RNF121: variants seen among roughly 807,000 people sequenced by gnomAD.
RNF121 encodes ring finger protein 121, also known as E3 ubiquitin ligase RNF121.
Under a neutral mutation model 46.5 loss-of-function variants are expected in RNF121, and 21 were observed. That is an observed-to-expected ratio of 0.45 (90% confidence interval 0.32 to 0.65). RNF121 has a LOEUF of 0.65. RNF121 is among the 30% of genes least tolerant of loss of function. The pLI, the probability that RNF121 is intolerant of heterozygous loss-of-function variation, is 0.04. For missense variants in RNF121, 346 were observed against 416.0 expected, an observed-to-expected ratio of 0.83 and a Z score of 1.46; for synonymous variants, 139 against 144.7, an observed-to-expected ratio of 0.96 and a Z score of 0.28.
chr11:71,987,884 G>T (rs139443701), intron 5 of RNF121, among the ~76,000 whole-genome samples: 2 of 152,178 alleles, frequency 1.3e-5, no homozygotes, highest in Non-Finnish European at 2.9e-5. Context: ...ACACAGATGG[G>T]TGTGGAAGCC....
chr11:71,989,352 G>T (rs1954825400), intron 5 of RNF121, among the ~76,000 whole-genome samples: 1 of 152,154 alleles, frequency 6.6e-6, no homozygotes, highest in Admixed American at 6.5e-5. Flanking sequence ...TAAGTGTTAG[G>T]ATTACAGGTG....
intron 5 of RNF121, among the ~76,000 whole-genome samples, chr11:71,989,300 C>T (rs1028797642): frequency 6.6e-6 from 1 of 152,118 alleles, no homozygotes; most frequent in African/African-American, 2.4e-5. Flanking sequence ...AGGCTGGTTT[C>T]GAACTCCTGA....
chr11:71,944,415 G>A (rs969966826), intron 1 of RNF121, among the ~76,000 whole-genome samples: 1 of 152,176 alleles, frequency 6.6e-6, no homozygotes, highest in Admixed American at 6.5e-5. Flanking sequence ...AATGGAGGAG[G>A]GACTAAGGGG....
chr11:71,996,482 G>C lies in RNF121; in HGVS notation c.*167G>C, dbSNP rs575930870. The C allele has an allele frequency of 4.6e-5, 32 of 689,034 alleles. No individual in the cohort carries two copies. The highest frequency in any genetic ancestry group is 4.2e-4 in the Middle Eastern group (1 of 2,392). The allele number at this position is 689,034 out of a possible 1,614,324, so 42.7% of individuals were successfully genotyped here. A position where few individuals can be genotyped will look rare whatever the true frequency, so the allele number is the denominator to read the frequency against. On this transcript the variant is annotated 3_prime_UTR_variant, in exon 9 of 9. Coordinates refer to ENST00000361756, the MANE Select transcript of RNF121 (RefSeq NM_018320.5). ...TGGGGAGGGATATGATGGAGAGCCAGCCAGTGGGGCTGTCAGCAGTGGGGG... is the reference window on the plus strand; with the variant it reads ...TGGGGAGGGATATGATGGAGAGCCACCCAGTGGGGCTGTCAGCAGTGGGGG...
intron 1 of RNF121, among the ~76,000 whole-genome samples, chr11:71,937,750 T>C (rs1953454918): frequency 6.6e-6 from 1 of 152,212 alleles, no homozygotes; most frequent in Admixed American, 6.5e-5. Flanking sequence ...GCACAAACAC[T>C]GCCAGAGAAT....
At chr11:71,976,495 G>A (rs56097487) in intron 3 of RNF121, among the ~76,000 whole-genome samples, 28,444 of 151,488 alleles carry the variant, frequency 0.19, 4,727 homozygotes, top group African/African-American at 0.44. Context: ...AGCTGGGACT[G>A]CAGGTGTGCG....
chr11:71,940,353 A>G (rs1358964680), intron 1 of RNF121, among the ~76,000 whole-genome samples: 1 of 152,212 alleles, frequency 6.6e-6, no homozygotes, highest in Non-Finnish European at 1.5e-5. Flanking sequence ...GAAAAAAACA[A>G]AGTACTGTAG....
chr11:71,960,628 C>T (rs1386828202), intron 2 of RNF121, 122 bp from the exon 3 acceptor site: 35 of 1,166,832 alleles, frequency 3.0e-5, no homozygotes, highest in Non-Finnish European at 3.8e-5. Flanking sequence ...GTGTGGTACC[C>T]TGCAGCTATG....
intron 3 of RNF121, among the ~76,000 whole-genome samples, chr11:71,980,245 C>T (rs955061348): frequency 2.6e-5 from 4 of 152,172 alleles, no homozygotes; most frequent in Non-Finnish European, 5.9e-5. Context: ...CCAGTACCCT[C>T]GGGTACACAG....
At chr11:71,939,254 C>A in intron 1 of RNF121, 1 of 193,748 alleles carries the variant, frequency 5.2e-6, no homozygotes, top group Admixed American at 5.6e-5. Context: ...GCATGTGCAG[C>A]AAAAATTCAG....
chr11:71,960,646 G>C (rs78708286), intron 2 of RNF121, 104 bp from the exon 3 acceptor site: 44,209 of 1,329,084 alleles, frequency 0.033, 799 homozygotes, highest in East Asian at 0.067. Flanking sequence ...ATGAAGCAGG[G>C]AATGTGTTCT....
chr11:71,971,692 C>A (rs1954424856), intron 3 of RNF121, among the ~76,000 whole-genome samples: 1 of 152,150 alleles, frequency 6.6e-6, no homozygotes, highest in South Asian at 2.1e-4. Flanking sequence ...TGCTCAGAGT[C>A]ATTAGTAATT....
intron 1 of RNF121, among the ~76,000 whole-genome samples, chr11:71,954,918 A>G (rs554612785): frequency 6.6e-6 from 1 of 152,314 alleles, no homozygotes; most frequent in African/African-American, 2.4e-5. Flanking sequence ...TCCCTTAATA[A>G]AGAGAATTTT....
chr11:71,989,378 G>A (rs1954825942), intron 5 of RNF121, among the ~76,000 whole-genome samples: 1 of 152,078 alleles, frequency 6.6e-6, no homozygotes, highest in African/African-American at 2.4e-5. Flanking sequence ...CACCACGCCT[G>A]GCCTCTGCAT....
intron 3 of RNF121, among the ~76,000 whole-genome samples, chr11:71,979,448 T>C (rs994370126): frequency 6.6e-6 from 1 of 152,192 alleles, no homozygotes; most frequent in Non-Finnish European, 1.5e-5. Flanking sequence ...TCACACACAG[T>C]CTTTTTCTTT....
At chr11:71,944,652 A>G (rs1404307328) in intron 1 of RNF121, among the ~76,000 whole-genome samples, 1 of 152,208 alleles carries the variant, frequency 6.6e-6, no homozygotes, top group Non-Finnish European at 1.5e-5. Flanking sequence ...GGCATTGTGT[A>G]GTCTACTAAG....
chr11:71,935,913 C>T (rs1182059132), intron 1 of RNF121, among the ~76,000 whole-genome samples: 1 of 139,522 alleles, frequency 7.2e-6, no homozygotes, highest in Non-Finnish European at 1.5e-5. Flanking sequence ...AGTGGCGTGA[C>T]CTTGGCTCAC....
At position 71,996,301 on chromosome 11, in the gene RNF121, C is replaced by T; in HGVS notation, c.970C>T (p.Leu324=). The change falls in exon 9 of 9, where the codon CTG becomes TTG. Residue 324 remains leucine, a synonymous_variant. Transcript: ENST00000361756. The part of the protein sequence containing the change: ...IGVVQGINYI[L]GLE ...TGTAGTCCAAGGCATCAACTACATC[C>T]TGGGCCTGGAATAGTGATGAAGAGC... The T allele has an allele frequency of 6.2e-7, 1 of 1,614,104 alleles. No homozygotes were observed. The highest frequency in any genetic ancestry group is 8.5e-7 in the Non-Finnish European group (1 of 1,180,012).
intron 3 of RNF121, among the ~76,000 whole-genome samples, chr11:71,978,472 T>G (rs1954579564): frequency 6.6e-6 from 1 of 152,224 alleles, no homozygotes; most frequent in Non-Finnish European, 1.5e-5. Flanking sequence ...AATAAGAAAT[T>G]GCTTATAACC....
Sources: allele counts gnomAD v4.1 joint callset (sites outside exome capture counted in the v4.1 genomes callset), GRCh38; gene constraint gnomAD v4.1.1; transcripts MANE v1.5; gene names NCBI Gene and HGNC (gene_info 2026-07-23, HGNC 2026-07-21).